The following ABCA1 variants were observed in gnomAD, a reference collection of about 807,000 sequenced individuals.
The protein encoded by ABCA1 is phospholipid-transporting ATPase ABCA1.
A neutral mutation model predicts 262.5 loss-of-function variants in ABCA1; 133 were observed. The ratio of observed to expected loss-of-function variants is 0.51; its 90% confidence interval spans 0.44 to 0.59. The LOEUF (loss-of-function observed/expected upper bound fraction) is 0.59. ABCA1 is among the 20% of genes least tolerant of loss of function. The pLI, the probability that ABCA1 is intolerant of heterozygous loss-of-function variation, is 0.00. For missense variants in ABCA1, 2,452 were observed against 2,777.5 expected (o/e 0.88, Z 2.63); for synonymous variants, 1,022 against 1,043.5 (o/e 0.98, Z 0.40).
rs559256396 is a variant in ABCA1 at position 104,818,693 on chromosome 9, G to A, written c.3432C>T (p.Asn1144=). The change falls in exon 23 of 50, where the codon AAC becomes AAT. Residue 1144 remains asparagine (N), a synonymous_variant. Transcript: ENST00000374736. The part of the protein sequence containing the change: ...DVESSLSSCR[N]SSSTVSYLKK... The stretch of plus-strand genomic sequence containing the variant: ...TCAGGTATGACACAGTGCTACTACT[G>A]TTTCTGCAGGAACTGAGGGAGGATT... The A allele has an allele frequency of 7.3e-5, 118 of 1,613,308 alleles. No homozygotes were observed. Among genetic ancestry groups the A allele is most frequent in the Non-Finnish European group, 9.7e-5 (115 of 1,180,040 alleles).
intron 2 of ABCA1, among the ~76,000 whole-genome samples, chr9:104,893,924 G>C (rs986775142): frequency 5.3e-5 from 8 of 152,060 alleles, no homozygotes; most frequent in Admixed American, 3.9e-4. Context: ...GCCAATATTG[G>C]GCAGCTACTG....
intron 11 of ABCA1, among the ~76,000 whole-genome samples, chr9:104,833,144 CA>C (rs1833492112): frequency 6.6e-6 from 1 of 152,164 alleles, no homozygotes; most frequent in Admixed American, 6.5e-5. Flanking sequence ...TCACCTTACA[CA>C]ACTCCATAAA....
chr9:104,800,025 CA>C, intron 35 of ABCA1, 37 bp from the exon 36 acceptor site: 1 of 1,613,420 alleles, frequency 6.2e-7, no homozygotes, highest in Non-Finnish European at 8.5e-7. Flanking sequence ...GTAATGCCCC[CA>C]AACCGGGCTC....
intron 1 of ABCA1, among the ~76,000 whole-genome samples, chr9:104,926,469 AC>A (rs1156723947): frequency 2.1e-5 from 3 of 144,894 alleles, no homozygotes; most frequent in African/African-American, 4.9e-5. Context: ...AACCAAAAAA[AC>A]AAAAAAAAAA....
intron 7 of ABCA1, among the ~76,000 whole-genome samples, chr9:104,855,411 G>A (rs892568953): frequency 2.6e-5 from 4 of 152,212 alleles, no homozygotes; most frequent in African/African-American, 7.2e-5. Flanking sequence ...ACGTTGGCCA[G>A]GCTGGTCTTG....
intron 7 of ABCA1, among the ~76,000 whole-genome samples, chr9:104,850,801 C>G (rs115883100): frequency 0.032 from 4,860 of 152,300 alleles, 229 homozygotes; most frequent in African/African-American, 0.099. Flanking sequence ...TATTATTTTT[C>G]TAACCAAAAA....
At chr9:104,925,587 G>A (rs1826261199) in intron 1 of ABCA1, among the ~76,000 whole-genome samples, 1 of 152,086 alleles carries the variant, frequency 6.6e-6, no homozygotes, top group Non-Finnish European at 1.5e-5. Flanking sequence ...CCCTTAAATG[G>A]CTTGTAGTCA....
chr9:104,884,426 C>G lies in ABCA1; in HGVS notation c.302+1G>C. On this transcript the variant is annotated splice_donor_variant, in intron 4 of 49. Transcript: ENST00000374736. LOFTEE classifies it high-confidence loss of function. Reference sequence around the variant, plus strand: ...GAAAGAAAACCTGATCTGATACTTACATGGATTTGTTAAAGTTTCCAACAA... The same window carrying G: ...GAAAGAAAACCTGATCTGATACTTAGATGGATTTGTTAAAGTTTCCAACAA... 6.2e-7 allele frequency: 1 copy of G among 1,614,198 alleles called. No homozygotes were observed. The highest frequency in any genetic ancestry group is 8.5e-7 in the Non-Finnish European group (1 of 1,180,018).
intron 8 of ABCA1, among the ~76,000 whole-genome samples, chr9:104,842,362 AAT>A (rs973695492): frequency 1.3e-5 from 2 of 152,092 alleles, no homozygotes; most frequent in Admixed American, 1.3e-4. Context: ...GAGATTTTTA[AAT>A]AACAGTGAGT....
chr9:104,911,178 A>G (rs1185255991), intron 1 of ABCA1, among the ~76,000 whole-genome samples: 1 of 152,252 alleles, frequency 6.6e-6, no homozygotes, highest in Non-Finnish European at 1.5e-5. Flanking sequence ...TATGAACTGA[A>G]AATACATTGG....
In ABCA1 at chr9:104,898,183, A is replaced by G. The variant is rs374501504; in HGVS notation, c.66+5431T>C. On this transcript the variant is annotated intron_variant, in intron 2 of 49. Coordinates refer to ENST00000374736, the MANE Select transcript of ABCA1 (RefSeq NM_005502.4). ...TTGCTTTCTTGGGCCTTTGTCATTC[A>G]AGTTCCCTCTATCCCAAGAGTCACC... Among the ~76,000 whole-genome samples, 13 of 152,286 alleles carry G rather than the reference A, an allele frequency of 8.5e-5. No homozygotes were observed. The East Asian group carries it at 2.3e-3, about 27-fold the overall frequency.
intron 12 of ABCA1, 101 bp downstream of exon 12, chr9:104,832,471 CTA>C (rs1419344037): frequency 1.6e-6 from 2 of 1,248,132 alleles, no homozygotes; most frequent in African/African-American, 3.0e-5. Flanking sequence ...GTAAATGAGA[CTA>C]TACATTATTT....
chr9:104,894,943 T>C (rs950760645), intron 2 of ABCA1, among the ~76,000 whole-genome samples: 5 of 152,242 alleles, frequency 3.3e-5, no homozygotes, highest in African/African-American at 4.8e-5. Flanking sequence ...GGTATTTCTT[T>C]TCATAATAGC....
intron 5 of ABCA1, among the ~76,000 whole-genome samples, chr9:104,873,246 T>C (rs535769870): frequency 3.0e-4 from 46 of 152,260 alleles, no homozygotes; most frequent in Non-Finnish European, 5.9e-4. Context: ...TTGACACATG[T>C]ATCACCAGAT....
chr9:104,864,309 C>A (rs937513488), intron 5 of ABCA1, among the ~76,000 whole-genome samples: 1 of 152,236 alleles, frequency 6.6e-6, no homozygotes, highest in East Asian at 1.9e-4. Flanking sequence ...CCAGGCCACA[C>A]CCCAGGAGTG....
rs576630245 is a variant in ABCA1 at position 104,925,375 on chromosome 9, CA to C, written c.-93+2559del. Among the ~76,000 whole-genome samples the C allele has an allele frequency of 4.3e-3, 531 of 122,858 alleles. 1 individual carries two copies. Among genetic ancestry groups the C allele is most frequent in the African/African-American group, 6.4e-3 (213 of 33,150 alleles). The allele number at this position is 122,858 out of a possible 152,430, so 80.6% of individuals were successfully genotyped here. A position where few individuals can be genotyped will look rare whatever the true frequency, so the allele number is the denominator to read the frequency against. On this transcript the variant is annotated intron_variant, in intron 1 of 49. Coordinates refer to ENST00000374736, the MANE Select transcript of ABCA1 (RefSeq NM_005502.4). ...TGGGAAACAGAGCGAGACTGCATCT[CA>C]AAAAAAAAAAAAATGTGCCCAGGGT...
intron 5 of ABCA1, among the ~76,000 whole-genome samples, chr9:104,878,532 T>C (rs1445375600): frequency 1.3e-5 from 2 of 152,170 alleles, no homozygotes; most frequent in Admixed American, 6.5e-5. Context: ...TCCCAGAATA[T>C]CCCTTCTGTG....
chr9:104,886,978 C>A (rs1839232292), intron 3 of ABCA1, among the ~76,000 whole-genome samples: 1 of 152,186 alleles, frequency 6.6e-6, no homozygotes, highest in South Asian at 2.1e-4. Flanking sequence ...GGTAAGGTTG[C>A]AAGAAGTGCA....
chr9:104,814,536 G>A (rs1564117667), intron 25 of ABCA1, 61 bp from the exon 26 acceptor site: 3 of 1,475,274 alleles, frequency 2.0e-6, no homozygotes, highest in Non-Finnish European at 1.9e-6. Flanking sequence ...AGTCACCACT[G>A]CCACGATTAT....
Sources: gnomAD v4.1 joint callset for allele counts (sites outside exome capture counted in the v4.1 genomes callset) on GRCh38, gnomAD v4.1.1 for gene constraint, MANE v1.5 for transcripts, NCBI Gene and HGNC (gene_info 2026-07-23, HGNC 2026-07-21) for gene names.